Variants in HCRTR2 observed in about 807,000 individuals in gnomAD.
The protein encoded by HCRTR2 is hypocretin receptor 2.
Under a neutral mutation model 49.0 loss-of-function variants are expected in HCRTR2, and 22 were observed. The ratio of observed to expected loss-of-function variants is 0.45; its 90% CI spans 0.32 to 0.64. HCRTR2 has a LOEUF of 0.64. Ranked by LOEUF, HCRTR2 falls within the 30% of genes least tolerant of loss-of-function variation. The pLI is 0.04. For missense variants in HCRTR2, 491 were observed against 559.4 expected, an observed-to-expected ratio of 0.88 and a Z score of 1.23; for synonymous variants, 236 against 205.3, an observed-to-expected ratio of 1.15 and a Z score of -1.28.
chr6:55,158,287 T>A lies in HCRTR2; in HGVS notation c.-377-15924T>A, dbSNP rs144456061. Among the ~76,000 whole-genome samples, 868 of 152,310 alleles carry A rather than the reference T, an allele frequency of 5.7e-3. 7 individuals are homozygous for A. Among genetic ancestry groups the A allele is most frequent in the African/African-American group, 0.02 (824 of 41,564 alleles). On this transcript the variant is annotated intron_variant, in intron 1 of 7. Coordinates refer to the HCRTR2 transcript ENST00000615358. ...TGCATTCTGGTCCAGATACTATGCTTTTCCCATGTTCTTCACAACCCTCAG... is the reference window on the plus strand; with the variant it reads ...TGCATTCTGGTCCAGATACTATGCTATTCCCATGTTCTTCACAACCCTCAG...
chr6:55,218,873 G>C lies in HCRTR2; in HGVS notation c.224-29766G>C, dbSNP rs531792085. ...GAGTCTCACTCTGTCACTCAGGCTG[G>C]AGGGCAATGGTACAATCTCAGCTCA... On this transcript the variant is annotated intron_variant, in intron 1 of 6. Coordinates refer to ENST00000370862, the MANE Select transcript of HCRTR2 (RefSeq NM_001384272.1). Among the ~76,000 whole-genome samples the C allele has an allele frequency of 9.9e-5, 15 of 152,244 alleles. No individual in the cohort carries two copies. The South Asian group carries it at 3.1e-3, about 32-fold the overall frequency.
rs773927681 is a variant in HCRTR2 at position 55,282,208 on chromosome 6, TTC to T, written c.1106-11_1106-10del. 5.7e-6 allele frequency: 9 copies of T among 1,573,526 alleles called. No individual in the cohort carries two copies. Among genetic ancestry groups the T allele is most frequent in the South Asian group, 1.1e-5 (1 of 89,752 alleles). On this transcript the variant is annotated splice_polypyrimidine_tract_variant and intron_variant, in intron 6 of 6. Coordinates refer to ENST00000370862, the MANE Select transcript of HCRTR2 (RefSeq NM_001384272.1). ...TTATGTATAATTCCTTTTCCTTTCA[TTC>T]TCTCTGTTTGCCAGGAAAATTTCGA... is the stretch of plus-strand genomic sequence containing the variant.
chr6:55,182,268 G>T (rs143815324), intron 1 of HCRTR2, among the ~76,000 whole-genome samples: 5 of 152,186 alleles, frequency 3.3e-5, no homozygotes, highest in South Asian at 2.1e-4. Context: ...TCACATCATC[G>T]TGTAGTCCCT....
At chr6:55,162,096 C>G (rs1430751117) in intron 1 of HCRTR2, among the ~76,000 whole-genome samples, 1 of 152,186 alleles carries the variant, frequency 6.6e-6, no homozygotes. Flanking sequence ...CAATAAAATA[C>G]TGGCAAACCA....
chr6:55,116,697 G>A (rs1273228680), intron 1 of HCRTR2, among the ~76,000 whole-genome samples: 1 of 113,868 alleles, frequency 8.8e-6, no homozygotes, highest in Non-Finnish European at 1.8e-5. Flanking sequence ...ATTCTGAACA[G>A]TACTGTAAAG....
intron 1 of HCRTR2, among the ~76,000 whole-genome samples, chr6:55,230,796 G>A (rs1766099879): frequency 6.6e-6 from 1 of 152,022 alleles, no homozygotes; most frequent in African/African-American, 2.4e-5. Flanking sequence ...AAAAACTCAG[G>A]TGTGGCTCAG....
At position 55,195,967 on chromosome 6, in the gene HCRTR2, G is replaced by A. The variant is rs113486432; in HGVS notation, c.223+21157G>A. On this transcript the variant is annotated intron_variant, in intron 1 of 6. Coordinates refer to ENST00000370862, the MANE Select transcript of HCRTR2 (RefSeq NM_001384272.1). ...AGCCTGGGCGACAGAGCGAGACTTC[G>A]TCTCAATAAAACAACAACAACAACA... 2.5e-3 allele frequency among the ~76,000 whole-genome samples: 385 copies of A among 151,916 alleles called. 3 individuals carry two copies. Among genetic ancestry groups the A allele is most frequent in the African/African-American group, 7.5e-3 (312 of 41,408 alleles).
At chr6:55,168,122 G>T (rs1764902360) in intron 1 of HCRTR2, among the ~76,000 whole-genome samples, 1 of 152,182 alleles carries the variant, frequency 6.6e-6, no homozygotes, top group Non-Finnish European at 1.5e-5. Context: ...CAAAGTGCAT[G>T]CTAAGTCTGG....
At chr6:55,234,924 C>A (rs1766186070) in intron 1 of HCRTR2, among the ~76,000 whole-genome samples, 1 of 151,984 alleles carries the variant, frequency 6.6e-6, no homozygotes. Context: ...TTACAATAGC[C>A]CTGAATTAGA....
At chr6:55,269,207 A>G (rs1581868703) in intron 4 of HCRTR2, among the ~76,000 whole-genome samples, 1 of 152,170 alleles carries the variant, frequency 6.6e-6, no homozygotes, top group East Asian at 1.9e-4. Context: ...CACTCCACCA[A>G]AAACAGAAGA....
At chr6:55,120,499 T>G (rs1442762593) in intron 1 of HCRTR2, among the ~76,000 whole-genome samples, 1 of 151,932 alleles carries the variant, frequency 6.6e-6, no homozygotes, top group Non-Finnish European at 1.5e-5. Flanking sequence ...TTCTTGGGTA[T>G]TTTATTCTCT....
chr6:55,267,410 T>TTG (rs1766881269), intron 4 of HCRTR2, among the ~76,000 whole-genome samples: 1 of 151,570 alleles, frequency 6.6e-6, no homozygotes, highest in Admixed American at 6.6e-5. Context: ...CTCTGTTTTT[T>TTG]TTTTTTTTTT....
intron 1 of HCRTR2, among the ~76,000 whole-genome samples, chr6:55,138,328 T>A (rs552779113): frequency 6.1e-4 from 93 of 152,298 alleles, no homozygotes; most frequent in African/African-American, 2.1e-3. Context: ...GCAAGTAAGA[T>A]AAACTTCTTT....
intron 1 of HCRTR2, among the ~76,000 whole-genome samples, chr6:55,112,091 C>T (rs34193433): frequency 0.067 from 10,223 of 151,956 alleles, 612 homozygotes; most frequent in African/African-American, 0.16. Context: ...CAAAATTCAG[C>T]ATCCCTTTAT....
At chr6:55,120,088 T>C (rs2127236842) in intron 1 of HCRTR2, among the ~76,000 whole-genome samples, 1 of 152,144 alleles carries the variant, frequency 6.6e-6, no homozygotes, top group Admixed American at 6.6e-5. Context: ...TGTAGATGTG[T>C]GGTGTTATTT....
rs534287660 is a variant in HCRTR2 at position 55,249,140 on chromosome 6, C to T, written c.402+323C>T. ...TCCCAAAAGTTTGATTTTGCGCAAA[C>T]TTTTTTGATTCCTAATTTCCCCATT... On this transcript the variant is annotated intron_variant, in intron 2 of 6. Coordinates refer to ENST00000370862, the MANE Select transcript of HCRTR2 (RefSeq NM_001384272.1). 5.9e-5 allele frequency among the ~76,000 whole-genome samples: 9 copies of T among 152,148 alleles called. No homozygotes were observed. The South Asian group carries it at 1.9e-3, about 32-fold the overall frequency.
At chr6:55,218,365 A>G (rs139789705) in intron 1 of HCRTR2, among the ~76,000 whole-genome samples, 356 of 152,350 alleles carry the variant, frequency 2.3e-3, no homozygotes, top group Non-Finnish European at 4.1e-3. Context: ...AAAGTGCTAT[A>G]TGATATATAG....
At chr6:55,252,235 T>C (rs987739621) in intron 2 of HCRTR2, among the ~76,000 whole-genome samples, 2 of 152,120 alleles carry the variant, frequency 1.3e-5, no homozygotes, top group African/African-American at 4.8e-5. Flanking sequence ...TTCTGTGTGA[T>C]GAAGGGCAGT....
At chr6:55,281,775 G>T (rs1460135507) in intron 6 of HCRTR2, among the ~76,000 whole-genome samples, 2 of 152,170 alleles carry the variant, frequency 1.3e-5, no homozygotes, top group South Asian at 4.1e-4. Context: ...TAGGTATTTT[G>T]TGGATTTAAT....
Sources: allele counts gnomAD v4.1 joint callset (sites outside exome capture counted in the v4.1 genomes callset), GRCh38; gene constraint gnomAD v4.1.1; transcripts MANE v1.5; gene names NCBI Gene and HGNC (gene_info 2026-07-23, HGNC 2026-07-21).